Variants in ABL2 observed in about 807,000 individuals in gnomAD.
ABL2 encodes the protein tyrosine-protein kinase ABL2.
A neutral mutation model predicts 107.7 loss-of-function variants in ABL2; 49 were observed. That is an observed-to-expected ratio of 0.45 (90% confidence interval 0.36 to 0.58). The LOEUF is 0.58. Among genes scored for constraint, ABL2 ranks in the 20% least tolerant of loss-of-function variants. The pLI is 0.00. For missense variants in ABL2, 1,245 were observed against 1,457.0 expected (o/e 0.85, Z 2.37); for synonymous variants, 549 against 548.6 (o/e 1.00, Z -0.01).
rs1572591990 is a variant in ABL2 at position 179,104,327 on chromosome 1, C to T, written c.*3391G>A. On this transcript the variant is annotated 3_prime_UTR_variant, in exon 12 of 12. Coordinates refer to ENST00000502732, the MANE Select transcript of ABL2 (RefSeq NM_007314.4). ...CCTAAACACTAAACCACTATCTATA[C>T]TGCATCCTTTAAACTCAAAATCTCC... 1 of 227,058 alleles carries T rather than the reference C, an allele frequency of 4.4e-6. No individual in the cohort carries two copies. The highest frequency in any genetic ancestry group is 6.4e-5 in the East Asian group (1 of 15,702). 14.1% of individuals were successfully genotyped at this position (227,058 alleles called of 1,614,324 possible). A position where few individuals can be genotyped will look rare whatever the true frequency, so the allele number is the denominator to read the frequency against.
chr1:179,110,744 T>C lies in ABL2; in HGVS notation c.1652-289A>G, dbSNP rs74413397. 392 of 1,613,704 alleles carry C rather than the reference T, an allele frequency of 2.4e-4. 4 individuals are homozygous for C. In the East Asian group the frequency reaches 8.6e-3, roughly 35 times the overall value. Reference sequence around the variant, plus strand: ...CTCCTCTTGATGGATGTTTAGGTTGTTTCCAGTTTGGAGTTACTATGAATA... The same window carrying C: ...CTCCTCTTGATGGATGTTTAGGTTGCTTCCAGTTTGGAGTTACTATGAATA... On this transcript the variant is annotated intron_variant, in intron 10 of 11. Coordinates refer to ENST00000502732, the MANE Select transcript of ABL2 (RefSeq NM_007314.4).
At chr1:179,119,321 C>T (rs1654953975) in intron 6 of ABL2, among the ~76,000 whole-genome samples, 2 of 152,034 alleles carry the variant, frequency 1.3e-5, no homozygotes, top group Admixed American at 1.3e-4. Flanking sequence ...GCAGGCAGAT[C>T]GCCTGAGCCC....
At chr1:179,145,141 A>G (rs1032033920) in intron 1 of ABL2, among the ~76,000 whole-genome samples, 1 of 152,202 alleles carries the variant, frequency 6.6e-6, no homozygotes, top group Admixed American at 6.5e-5. Flanking sequence ...TAAGTGAAAT[A>G]AGCCAGACAC....
At chr1:179,215,702 AAAAAG>A (rs1220402037) in intron 1 of ABL2, among the ~76,000 whole-genome samples, 15 of 152,176 alleles carry the variant, frequency 9.9e-5, no homozygotes, top group Admixed American at 3.3e-4. Flanking sequence ...CTCAAAAAAA[AAAAAG>A]AAAAGAAAAG....
chr1:179,229,520 G>A lies in ABL2; in HGVS notation c.-123C>T. 6 of 1,063,250 alleles carry A rather than the reference G, an allele frequency of 5.6e-6. No individual in the cohort carries two copies. The highest frequency in any genetic ancestry group is 1.7e-5 in the African/African-American group (1 of 59,742). The allele number at this position is 1,063,250 out of a possible 1,614,324, so 65.9% of individuals were successfully genotyped here. ...CCAGCCCAGGCCCTGGCCCTGAGTG[G>A]CTGGGCCACCGGCGGCTCCGCACCC... On this transcript the variant is annotated 5_prime_UTR_variant, in exon 1 of 12. Coordinates refer to ENST00000502732, the MANE Select transcript of ABL2 (RefSeq NM_007314.4).
At chr1:179,195,896 G>C (rs1661281526) in intron 1 of ABL2, among the ~76,000 whole-genome samples, 1 of 152,146 alleles carries the variant, frequency 6.6e-6, no homozygotes, top group African/African-American at 2.4e-5. Flanking sequence ...ATAAAACGGG[G>C]AATTATAATT....
chr1:179,192,712 CAT>C (rs1661087981), intron 1 of ABL2, among the ~76,000 whole-genome samples: 1 of 152,138 alleles, frequency 6.6e-6, no homozygotes, highest in Non-Finnish European at 1.5e-5. Context: ...AATCACATCA[CAT>C]AGAAAAAATT....
At chr1:179,151,256 T>C (rs562878928) in intron 1 of ABL2, among the ~76,000 whole-genome samples, 1 of 152,324 alleles carries the variant, frequency 6.6e-6, no homozygotes, top group African/African-American at 2.4e-5. Context: ...AGATGGCGTT[T>C]TAATCAGAAC....
chr1:179,129,349 T>C (rs1406139403), intron 3 of ABL2, among the ~76,000 whole-genome samples: 1 of 152,164 alleles, frequency 6.6e-6, no homozygotes, highest in Non-Finnish European at 1.5e-5. Context: ...TCAATAAAGG[T>C]AAAATCAAGT....
intron 1 of ABL2, among the ~76,000 whole-genome samples, chr1:179,154,703 GGAT>G (rs1658575536): frequency 6.6e-6 from 1 of 152,062 alleles, no homozygotes; most frequent in African/African-American, 2.4e-5. Context: ...TAGAACACAG[GGAT>G]TCTTGTGTTC....
In ABL2 at chr1:179,101,273, C is replaced by T; in HGVS notation, c.*6445G>A. The T allele has an allele frequency of 4.5e-6, 1 of 219,972 alleles. No homozygotes were observed. The highest frequency in any genetic ancestry group is 9.1e-6 in the Non-Finnish European group (1 of 109,740). The allele number at this position is 219,972 out of a possible 1,614,324, so 13.6% of individuals were successfully genotyped here. The stretch of plus-strand genomic sequence containing the variant: ...CATGACCTGCCACAGGCCTCCTTAC[C>T]TGGGAAGAAGTATGGGATCTTCTTA... On this transcript the variant is annotated 3_prime_UTR_variant, in exon 12 of 12. Coordinates refer to ENST00000502732, the MANE Select transcript of ABL2 (RefSeq NM_007314.4).
chr1:179,148,425 T>C (rs1329401951), intron 1 of ABL2, among the ~76,000 whole-genome samples: 1 of 152,212 alleles, frequency 6.6e-6, no homozygotes, highest in Admixed American at 6.5e-5. Flanking sequence ...TTTTTAATTG[T>C]TATCATATCT....
intron 1 of ABL2, among the ~76,000 whole-genome samples, chr1:179,200,778 C>T (rs973992120): frequency 6.6e-6 from 1 of 152,174 alleles, no homozygotes; most frequent in Non-Finnish European, 1.5e-5. Context: ...TGCTTTATCA[C>T]AGCAAAGGGA....
intron 1 of ABL2, among the ~76,000 whole-genome samples, chr1:179,157,422 G>A (rs536023171): frequency 2.1e-4 from 32 of 152,002 alleles, no homozygotes; most frequent in Middle Eastern, 6.8e-3. Flanking sequence ...ACTTGAACCC[G>A]GGAGGCGGAG....
intron 1 of ABL2, among the ~76,000 whole-genome samples, chr1:179,161,116 G>C (rs568565335): frequency 6.6e-6 from 1 of 152,260 alleles, no homozygotes; most frequent in South Asian, 2.1e-4. Context: ...TACAAATAGG[G>C]ATAAAGGGTC....
chr1:179,129,038 C>A (rs965330334), intron 3 of ABL2, among the ~76,000 whole-genome samples: 3 of 151,882 alleles, frequency 2.0e-5, no homozygotes, highest in Admixed American at 2.0e-4. Flanking sequence ...CAATCAAAAA[C>A]TAAAGTGTTG....
intron 1 of ABL2, chr1:179,201,742 A>G: frequency 1.3e-6 from 1 of 761,912 alleles, no homozygotes; most frequent in Non-Finnish European, 2.2e-6. Flanking sequence ...TTAGTCATCA[A>G]CTATGACCTT....
At chr1:179,196,609 A>C (rs568686574) in intron 1 of ABL2, 1 of 152,320 alleles carries the variant, frequency 6.6e-6, no homozygotes, top group South Asian at 2.1e-4. Flanking sequence ...GAAATACAAA[A>C]ACTAGCCGGG....
intron 1 of ABL2, among the ~76,000 whole-genome samples, chr1:179,133,613 A>C (rs2102674246): frequency 6.6e-6 from 1 of 152,030 alleles, no homozygotes; most frequent in South Asian, 2.1e-4. Flanking sequence ...ATGGGTTCTC[A>C]CCCCACTTTT....
Sources: allele counts gnomAD v4.1 joint callset (sites outside exome capture counted in the v4.1 genomes callset), GRCh38; gene constraint gnomAD v4.1.1; transcripts MANE v1.5; gene names NCBI Gene and HGNC (gene_info 2026-07-23, HGNC 2026-07-21).